ITSN2: variants seen among roughly 807,000 people sequenced by gnomAD.
The protein encoded by ITSN2 is intersectin-2.
A neutral mutation model predicts 243.7 loss-of-function variants in ITSN2; 156 were observed. The observed-to-expected ratio is 0.64, with a 90% CI of 0.56 to 0.73. The LOEUF (loss-of-function observed/expected upper bound fraction) is 0.73. Ranked by LOEUF, ITSN2 falls within the 30% of genes least tolerant of loss-of-function variation. The pLI, the probability that ITSN2 is intolerant of heterozygous loss-of-function variation, is 0.00. For missense variants in ITSN2, 1,801 were observed against 1,996.1 expected (o/e 0.90, Z 1.86); for synonymous variants, 703 against 699.9 (o/e 1.00, Z -0.07).
rs375187036 is a variant in ITSN2 at position 24,257,926 on chromosome 2, A to G, written c.2850T>C (p.Tyr950=). ...CTTCACTCCCAGGAATGATCTTGAC[A>G]TAAGATTTGGGAAACCATCCTCTTC... is the stretch of plus-strand genomic sequence containing the variant. ...HGGRGWFPKS[Y]VKIIPGSEVK... is the part of the protein sequence containing the mutation. The change falls in exon 23 of 40, where the codon TAT becomes TAC. Residue 950 remains tyrosine, a synonymous_variant. Coordinates refer to ENST00000355123, the MANE Select transcript of ITSN2 (RefSeq NM_006277.3). 8 of 1,613,970 alleles carry G rather than the reference A, an allele frequency of 5.0e-6. No homozygotes were observed. The highest frequency in any genetic ancestry group is 4.5e-5 in the East Asian group (2 of 44,882).
chr2:24,325,877 CTCAT>C (rs1326765032), intron 2 of ITSN2, among the ~76,000 whole-genome samples: 3 of 152,008 alleles, frequency 2.0e-5, no homozygotes, highest in African/African-American at 4.8e-5. Flanking sequence ...TAGGCTAGAT[CTCAT>C]TCAGTAAGTA....
At chr2:24,316,493 G>A (rs1683952490) in intron 2 of ITSN2, among the ~76,000 whole-genome samples, 1 of 152,164 alleles carries the variant, frequency 6.6e-6, no homozygotes, top group Non-Finnish European at 1.5e-5. Context: ...ATGTTGGCCA[G>A]GATGGTCTTG....
intron 3 of ITSN2, 46 bp downstream of exon 3, chr2:24,315,086 A>T: frequency 1.1e-6 from 1 of 928,448 alleles, no homozygotes. Context: ...CTTAGATATC[A>T]CATAAGGACC....
At chr2:24,212,796 A>G in intron 32 of ITSN2, 48 bp from the exon 33 acceptor site, 1 of 1,370,706 alleles carries the variant, frequency 7.3e-7, no homozygotes, top group Non-Finnish European at 1.0e-6. Flanking sequence ...CTCCGATCAC[A>G]GGAAGCACTG....
At chr2:24,250,788 T>C (rs1673982866) in intron 25 of ITSN2, among the ~76,000 whole-genome samples, 1 of 152,076 alleles carries the variant, frequency 6.6e-6, no homozygotes, top group Admixed American at 6.6e-5. Context: ...TTCTTCATTT[T>C]CTCTCATGTA....
chr2:24,250,588 G>A (rs1057248362), intron 25 of ITSN2, among the ~76,000 whole-genome samples: 1 of 152,016 alleles, frequency 6.6e-6, no homozygotes, highest in Admixed American at 6.6e-5. Context: ...ATCACATCAT[G>A]CACGGGTAAA....
At chr2:24,276,455 C>A (rs1678023892) in intron 17 of ITSN2, among the ~76,000 whole-genome samples, 1 of 152,148 alleles carries the variant, frequency 6.6e-6, no homozygotes, top group Non-Finnish European at 1.5e-5. Context: ...GGATCCAATA[C>A]AAGGCTGACT....
chr2:24,344,553 T>C (rs1364957879), intron 1 of ITSN2, among the ~76,000 whole-genome samples: 5 of 152,244 alleles, frequency 3.3e-5, no homozygotes, highest in Admixed American at 6.5e-5. Context: ...CTCCTATGAA[T>C]TGCCTATTCA....
At chr2:24,242,335 AAG>A (rs1672825116) in intron 29 of ITSN2, 1 of 152,578 alleles carries the variant, frequency 6.6e-6, no homozygotes. Context: ...ATCTTAAAAA[AAG>A]TTCTAATTAT....
At chr2:24,311,140 T>C (rs942762923) in intron 5 of ITSN2, among the ~76,000 whole-genome samples, 3 of 152,108 alleles carry the variant, frequency 2.0e-5, no homozygotes, top group Non-Finnish European at 4.4e-5. Context: ...AGGTTCTAAG[T>C]AGTAGATACT....
chr2:24,288,853 C>T (rs1017340085), intron 15 of ITSN2, among the ~76,000 whole-genome samples: 2 of 152,140 alleles, frequency 1.3e-5, no homozygotes, highest in South Asian at 4.1e-4. Flanking sequence ...TGGTAGCCAC[C>T]ATTTTATTCT....
intron 1 of ITSN2, among the ~76,000 whole-genome samples, chr2:24,356,021 G>A (rs535988120): frequency 7.9e-5 from 12 of 152,142 alleles, no homozygotes; most frequent in Non-Finnish European, 1.5e-4. Flanking sequence ...TGGACATGGT[G>A]AAACCCCATC....
chr2:24,313,547 C>T (rs1207122363), intron 3 of ITSN2, 24 bp from the exon 4 acceptor site: 2 of 1,568,520 alleles, frequency 1.3e-6, no homozygotes, highest in Non-Finnish European at 1.8e-6. Context: ...AAACAAAACC[C>T]AAGCAGCACA....
chr2:24,340,238 T>C (rs1399460513), intron 1 of ITSN2, among the ~76,000 whole-genome samples: 2 of 151,938 alleles, frequency 1.3e-5, no homozygotes, highest in African/African-American at 4.8e-5. Context: ...TCCCAACACT[T>C]TGGGAGGCCG....
chr2:24,308,499 T>C (rs971720081), intron 8 of ITSN2, 118 bp downstream of exon 8: 49 of 591,132 alleles, frequency 8.3e-5, no homozygotes, highest in Non-Finnish European at 1.2e-4. Context: ...GCCTGCTAAA[T>C]TTTTTGGATG....
chr2:24,229,830 C>G (rs1005802580), intron 29 of ITSN2, among the ~76,000 whole-genome samples: 1 of 152,130 alleles, frequency 6.6e-6, no homozygotes. Context: ...TCCTTTTTCA[C>G]TCGTCTTCCA....
At chr2:24,208,390 TGCACATG>T in intron 36 of ITSN2, 71 bp from the exon 37 acceptor site, 1 of 1,125,410 alleles carries the variant, frequency 8.9e-7, no homozygotes, top group Non-Finnish European at 1.3e-6. Context: ...CCCAGAGCTC[TGCACATG>T]TTCTTCAGTC....
In ITSN2 at chr2:24,248,900, C is replaced by G. The variant is rs375754280; in HGVS notation, c.3121-18G>C. On this transcript the variant is annotated intron_variant, in intron 25 of 39. Transcript: ENST00000355123. ...CCAAAACTCTACAAGGAAAAGATAC[C>G]GTGTTGTTTTATTATTTCCAACAAT... 29 of 1,610,856 alleles carry G rather than the reference C, an allele frequency of 1.8e-5. No homozygotes were observed. Among genetic ancestry groups the G allele is most frequent in the Non-Finnish European group, 2.5e-5 (29 of 1,177,614 alleles).
intron 1 of ITSN2, among the ~76,000 whole-genome samples, chr2:24,335,936 G>C (rs1686317781): frequency 6.6e-6 from 1 of 151,588 alleles, no homozygotes; most frequent in African/African-American, 2.4e-5. Flanking sequence ...CCAGCCCAGT[G>C]CTCTGTTCTT....
Sources: gnomAD v4.1 joint callset for allele counts (sites outside exome capture counted in the v4.1 genomes callset) on GRCh38, gnomAD v4.1.1 for gene constraint, MANE v1.5 for transcripts, NCBI Gene and HGNC (gene_info 2026-07-23, HGNC 2026-07-21) for gene names.